The following SPC24 variants were observed in gnomAD, a reference collection of about 807,000 sequenced individuals.
The protein encoded by SPC24 is SPC24 component of NDC80 kinetochore complex, also known as kinetochore protein Spc24.
A neutral mutation model predicts 27.6 loss-of-function variants in SPC24; 31 were observed. That is an observed-to-expected ratio of 1.12 (90% CI 0.84 to 1.52). SPC24 has a LOEUF of 1.52. SPC24 is among the 40% of genes most tolerant of loss of function. The probability of loss-of-function intolerance (pLI) is 0.00; values close to 1 mark genes in which losing one functional copy is unlikely to be tolerated. For missense variants in SPC24, 284 were observed against 252.5 expected (o/e 1.12, Z -0.84); for synonymous variants, 105 against 105.8 (o/e 0.99, Z 0.05).
intron 1 of SPC24, among the ~76,000 whole-genome samples, chr19:11,152,776 AAGG>A (rs1458201950): frequency 6.6e-6 from 1 of 152,066 alleles, no homozygotes; most frequent in Non-Finnish European, 1.5e-5. Context: ...GGGGTGGAAG[AAGG>A]AGGAGGGAAG....
In SPC24 at chr19:11,147,047, T is replaced by A. The variant is rs2077830880; in HGVS notation, c.*136A>T. On this transcript the variant is annotated 3_prime_UTR_variant, in exon 5 of 5. Coordinates refer to ENST00000592540, the MANE Select transcript of SPC24 (RefSeq NM_182513.4). ...GTGAGCTGAGATTGTGCCATTGCAC[T>A]CCAGACTGGACAACAAGAGTGAAAC... 1 of 545,334 alleles carries A rather than the reference T, an allele frequency of 1.8e-6. No homozygotes were observed. The highest frequency in any genetic ancestry group is 3.4e-5 in the East Asian group (1 of 29,772). 33.8% of individuals were successfully genotyped at this position (545,334 alleles called of 1,614,324 possible).
chr19:11,155,540 T>A (rs1016258897), intron 1 of SPC24, 77 bp downstream of exon 1: 4 of 1,464,816 alleles, frequency 2.7e-6, no homozygotes, highest in Non-Finnish European at 3.6e-6. Context: ...GAAGGGGTTT[T>A]GAGGTGGGCC....
At chr19:11,154,734 G>C (rs1803578289) in intron 1 of SPC24, among the ~76,000 whole-genome samples, 1 of 152,060 alleles carries the variant, frequency 6.6e-6, no homozygotes, top group African/African-American at 2.4e-5. Flanking sequence ...GTAGAACCCT[G>C]GTGGGTGCCA....
chr19:11,152,077 T>A (rs561817179), intron 1 of SPC24, among the ~76,000 whole-genome samples: 1 of 137,010 alleles, frequency 7.3e-6, no homozygotes, highest in Non-Finnish European at 1.6e-5. Context: ...TGCACCACCA[T>A]GCCTGGCTAA....
chr19:11,149,487 T>A, intron 1 of SPC24: 1 of 264,012 alleles, frequency 3.8e-6, no homozygotes, highest in South Asian at 1.4e-4. Context: ...TGGTGGCTCA[T>A]GCCTGTAATC....
At chr19:11,154,077 GA>G (rs56097060) in intron 1 of SPC24, among the ~76,000 whole-genome samples, 147,464 of 150,866 alleles carry the variant, frequency 0.98, 72,130 homozygotes, top group African/African-American at 1. Context: ...CCGTCTCAAG[GA>G]AAAAAAAAAT....
Position 11,149,131 on chromosome 19 carries a change from C to T in SPC24, c.268G>A (p.Ala90Thr). Residue 90 changes from alanine to threonine, a missense_variant, in exon 2 of 5, where the codon GCT becomes ACT. Coordinates refer to ENST00000592540, the MANE Select transcript of SPC24 (RefSeq NM_182513.4). ...LQQLEAGLQEAGEEDTRLKAS... is the reference protein window; with the variant it reads ...LQQLEAGLQETGEEDTRLKAS... The stretch of plus-strand genomic sequence containing the variant: ...TTCAGACGGGTGTCCTCCTCCCCAG[C>T]CTCCTGAAGCCCAGCTTCCAGCTGC... 1.9e-6 allele frequency: 3 copies of T among 1,549,020 alleles called. No homozygotes were observed. The highest frequency in any genetic ancestry group is 4.9e-5 in the East Asian group (2 of 40,868).
In SPC24 at chr19:11,147,908, CAA is replaced by C. The variant is rs58845884; in HGVS notation, c.411-16_411-15del. ...TGAGCCACGTACCTGTACAGGAAGA[CAA>C]AAAAAAAAAAAAAAAAAAAAGAAAG... On this transcript the variant is annotated splice_polypyrimidine_tract_variant and intron_variant, in intron 3 of 4. Transcript: ENST00000592540. 0.019 allele frequency: 20,593 copies of C among 1,075,736 alleles called. No homozygotes were observed. The highest frequency in any genetic ancestry group is 0.033 in the East Asian group (1,125 of 34,414). The allele number at this position is 1,075,736 out of a possible 1,614,324, so 66.6% of individuals were successfully genotyped here. A position where few individuals can be genotyped will look rare whatever the true frequency, so the allele number is the denominator to read the frequency against.
intron 1 of SPC24, among the ~76,000 whole-genome samples, chr19:11,149,956 C>T (rs1283481940): frequency 2.0e-5 from 3 of 151,712 alleles, no homozygotes; most frequent in East Asian, 2.0e-4. Context: ...GTGATCCACC[C>T]GCCTCAGCTT....
Position 11,153,330 on chromosome 19 carries a change from T to TA in SPC24, c.160+2286dup, listed in dbSNP as rs546838559. Among the ~76,000 whole-genome samples, 30 of 151,780 alleles carry TA rather than the reference T, an allele frequency of 2.0e-4. No individual in the cohort carries two copies. The South Asian group carries it at 4.2e-3, about 21-fold the overall frequency. On this transcript the variant is annotated intron_variant, in intron 1 of 4. Coordinates refer to ENST00000592540, the MANE Select transcript of SPC24 (RefSeq NM_182513.4). ...AGCCGGGCGTGGTGGCGGGTGCCTG[T>TA]AGTCCCAGCTACTCGGGAGGCTGAG...
At chr19:11,155,228 A>C (rs749260730) in intron 1 of SPC24, among the ~76,000 whole-genome samples, 5 of 152,144 alleles carry the variant, frequency 3.3e-5, no homozygotes, top group Non-Finnish European at 4.4e-5. Context: ...CAAGGAAGGA[A>C]GCTGAGGCAC....
intron 1 of SPC24, among the ~76,000 whole-genome samples, chr19:11,153,614 G>T (rs1452086178): frequency 6.6e-6 from 1 of 151,234 alleles, no homozygotes; most frequent in Non-Finnish European, 1.5e-5. Flanking sequence ...ACAAAAATTA[G>T]CTGGGCATGT....
chr19:11,151,335 T>C lies in SPC24; in HGVS notation c.161-2097A>G, dbSNP rs113647994. ...CTCTGAAGCAGCCACTTTCAAGTTTTAGCTGTTTTCTCTGGCACTGGCCTC... is the reference window on the plus strand; with the variant it reads ...CTCTGAAGCAGCCACTTTCAAGTTTCAGCTGTTTTCTCTGGCACTGGCCTC... On this transcript the variant is annotated intron_variant, in intron 1 of 4. Coordinates refer to ENST00000592540, the MANE Select transcript of SPC24 (RefSeq NM_182513.4). Among the ~76,000 whole-genome samples the C allele has an allele frequency of 2.2e-3, 336 of 152,256 alleles. 1 individual carries two copies. Among genetic ancestry groups the C allele is most frequent in the Non-Finnish European group, 3.8e-3 (256 of 68,028 alleles).
rs2077841539 is a variant in SPC24, at chr19:11,148,026, T to C, written c.397A>G (p.Ile133Val). Residue 133 changes from isoleucine to valine, a missense_variant, in exon 3 of 5, where the codon ATC becomes GTC. Ile to Val is a conservative substitution (Grantham distance 29). Transcript: ENST00000592540. ...KEVDEDTTVT[I>V]PSAVYVAQLY... Reference sequence around the variant, plus strand: ...GGCAGAACCTACACGGCCGAGGGGATTGTGACTGTCGTGTCCTCGTCGACC... The same window carrying C: ...GGCAGAACCTACACGGCCGAGGGGACTGTGACTGTCGTGTCCTCGTCGACC... 6.2e-7 allele frequency: 1 copy of C among 1,613,502 alleles called. No homozygotes were observed. Among genetic ancestry groups the C allele is most frequent in the Non-Finnish European group, 8.5e-7 (1 of 1,179,788 alleles).
intron 1 of SPC24, among the ~76,000 whole-genome samples, chr19:11,151,049 G>A (rs1305500626): frequency 6.6e-6 from 1 of 150,712 alleles, no homozygotes; most frequent in African/African-American, 2.4e-5. Flanking sequence ...TGTAGTCCCA[G>A]CTACTTGGGA....
intron 2 of SPC24, among the ~76,000 whole-genome samples, chr19:11,148,582 G>C: frequency 6.6e-6 from 1 of 151,732 alleles, no homozygotes; most frequent in Non-Finnish European, 1.5e-5. Context: ...CCAGGACCAA[G>C]TAATCCTCCC....
rs1051130489 is a variant in SPC24, at chr19:11,151,036, G to A, written c.161-1798C>T. Among the ~76,000 whole-genome samples, 16 of 151,874 alleles carry A rather than the reference G, an allele frequency of 1.1e-4. No individual in the cohort carries two copies. In the East Asian group the frequency reaches 1.2e-3, roughly 11 times the overall value. ...AAATTAGCTGGGCGTGGCGGAGGGCGCCTGTAGTCCCAGCTACTTGGGAGG... is the reference window on the plus strand; with the variant it reads ...AAATTAGCTGGGCGTGGCGGAGGGCACCTGTAGTCCCAGCTACTTGGGAGG... On this transcript the variant is annotated intron_variant, in intron 1 of 4. Transcript: ENST00000592540.
In SPC24 at chr19:11,150,306, G is replaced by C. The variant is rs145211790; in HGVS notation, c.161-1068C>G. 0.013 allele frequency among the ~76,000 whole-genome samples: 1,958 copies of C among 151,618 alleles called. 113 individuals are homozygous for C. In the East Asian group the frequency reaches 0.16, roughly 13 times the overall value. On this transcript the variant is annotated intron_variant, in intron 1 of 4. Coordinates refer to ENST00000592540, the MANE Select transcript of SPC24 (RefSeq NM_182513.4). ...GTTCGAGACCAGCCTGACCAACATG[G>C]AGAAACCCCATCTCTACTAAAAATA...
rs1435660004 is a variant in SPC24, at chr19:11,147,816, A to G, written c.487+2T>C. ...GTTAAAATGGCTCCCCAAAAAGGAT[A>G]CTGCCTTTGACCATCCCTGGCTCAC... On this transcript the variant is annotated splice_donor_variant, in intron 4 of 4. Coordinates refer to ENST00000592540, the MANE Select transcript of SPC24 (RefSeq NM_182513.4). LOFTEE classifies it high-confidence loss of function. The G allele has an allele frequency of 2.5e-6, 4 of 1,610,182 alleles. No individual in the cohort carries two copies. Among genetic ancestry groups the G allele is most frequent in the Non-Finnish European group, 3.4e-6 (4 of 1,178,718 alleles).
Sources: allele counts gnomAD v4.1 joint callset (sites outside exome capture counted in the v4.1 genomes callset), GRCh38; gene constraint gnomAD v4.1.1; transcripts MANE v1.5; gene names NCBI Gene and HGNC (gene_info 2026-07-23, HGNC 2026-07-21).